Variants in DNAH11 observed in about 807,000 individuals in gnomAD.
DNAH11 encodes axonemal beta dynein heavy chain 11.
In DNAH11, 442 loss-of-function variants were observed where a neutral mutation model predicts 526.0. The observed-to-expected ratio is 0.84, with a 90% CI of 0.78 to 0.91. The LOEUF is 0.91. DNAH11 is among the 40% of genes least tolerant of loss of function. The pLI, the probability that DNAH11 is intolerant of heterozygous loss-of-function variation, is 0.00. For synonymous variants in DNAH11, 2,461 were observed against 1,935.9 expected (o/e 1.27, Z -7.12); for missense variants, 6,989 against 5,448.7 (o/e 1.28, Z -8.90).
chr7:21,765,698 A>G (rs1314945137), intron 55 of DNAH11, 109 bp downstream of exon 55: 4 of 1,313,180 alleles, frequency 3.0e-6, no homozygotes, highest in Non-Finnish European at 3.0e-6. Context: ...TCCACAGTAC[A>G]TCTCCTATCA....
intron 65 of DNAH11, among the ~76,000 whole-genome samples, chr7:21,832,401 A>G (rs1043074371): frequency 3.0e-4 from 46 of 152,186 alleles, no homozygotes; most frequent in Non-Finnish European, 5.9e-5. Context: ...TCTGTAAAGG[A>G]TTTTATTTCT....
chr7:21,820,768 G>A (rs955190755), intron 65 of DNAH11, among the ~76,000 whole-genome samples: 1 of 152,134 alleles, frequency 6.6e-6, no homozygotes, highest in African/African-American at 2.4e-5. Context: ...ACACTAGTTG[G>A]TAGTACCAAT....
chr7:21,553,049 T>C (rs1174142141), intron 2 of DNAH11, among the ~76,000 whole-genome samples: 1 of 151,650 alleles, frequency 6.6e-6, no homozygotes. Flanking sequence ...GGTGATATTT[T>C]CTCCCTTCAG....
chr7:21,763,357 GAAAAA>G (rs796469829), intron 54 of DNAH11, among the ~76,000 whole-genome samples: 1 of 43,738 alleles, frequency 2.3e-5, no homozygotes, highest in African/African-American at 7.7e-5. Context: ...AAAAAAAAAA[GAAAAA>G]AAAAAAGACT....
rs776718319 is a variant in DNAH11 at position 21,872,123 on chromosome 7, C to CAAAAAAA, written c.11968-1131_11968-1125dup. Among the ~76,000 whole-genome samples the CAAAAAAA allele has an allele frequency of 6.5e-4, 20 of 30,824 alleles. 1 individual carries two copies. Among genetic ancestry groups the CAAAAAAA allele is most frequent in the African/African-American group, 2.0e-3 (16 of 7,946 alleles). The allele number at this position is 30,824 out of a possible 152,430, so 20.2% of individuals were successfully genotyped here. On this transcript the variant is annotated intron_variant, in intron 73 of 81. Transcript: ENST00000409508. The stretch of plus-strand genomic sequence containing the variant: ...TGGGTGACAGAGCGAGACTCTGTCT[C>CAAAAAAA]AAAAAAAAAAAAAAAAAAAAAAAAA...
chr7:21,816,953 A>G (rs1050080124), intron 64 of DNAH11, among the ~76,000 whole-genome samples: 2 of 152,140 alleles, frequency 1.3e-5, no homozygotes, highest in African/African-American at 2.4e-5. Flanking sequence ...TCTGTGGGGG[A>G]AAATATGTAA....
intron 55 of DNAH11, among the ~76,000 whole-genome samples, chr7:21,768,243 G>C (rs760969167): frequency 3.7e-4 from 57 of 152,192 alleles, no homozygotes; most frequent in Admixed American, 4.6e-4. Context: ...GGGTAAACCT[G>C]GGAACAGTGT....
rs980958853 is a variant in DNAH11, at chr7:21,852,714, G to C, written c.11061+83G>C. The C allele has an allele frequency of 4.2e-6, 6 of 1,420,864 alleles. No individual in the cohort carries two copies. In the African/African-American group the frequency reaches 8.6e-5, roughly 20 times the overall value. The allele number at this position is 1,420,864 out of a possible 1,614,324, so 88.0% of individuals were successfully genotyped here. ...GGGGTGGGCAGTGTGATCAGACTTGGTAATTCCTCTAAGAGGACCAGCGTG... is the reference window on the plus strand; with the variant it reads ...GGGGTGGGCAGTGTGATCAGACTTGCTAATTCCTCTAAGAGGACCAGCGTG... On this transcript the variant is annotated intron_variant, in intron 67 of 81. Transcript: ENST00000409508.
intron 66 of DNAH11, among the ~76,000 whole-genome samples, chr7:21,848,396 T>C (rs754933650): frequency 6.6e-6 from 1 of 151,822 alleles, no homozygotes; most frequent in African/African-American, 2.4e-5. Context: ...TATAGACAGA[T>C]AGGTCTTGTT....
chr7:21,765,879 A>C (rs779854418), intron 55 of DNAH11, among the ~76,000 whole-genome samples: 9 of 152,176 alleles, frequency 5.9e-5, no homozygotes, highest in Non-Finnish European at 1.2e-4. Flanking sequence ...GCACTGACTC[A>C]CTGGAAGCCC....
chr7:21,872,205 A>G (rs73279872), intron 73 of DNAH11, among the ~76,000 whole-genome samples: 20,158 of 149,504 alleles, frequency 0.13, 2,627 homozygotes, highest in African/African-American at 0.33. Flanking sequence ...CTATTTCCAA[A>G]TACAGTCACA....
intron 9 of DNAH11, among the ~76,000 whole-genome samples, chr7:21,584,522 A>G (rs1056316102): frequency 1.3e-5 from 2 of 152,174 alleles, no homozygotes; most frequent in Admixed American, 1.3e-4. Context: ...GCACATGTAT[A>G]CCTATGTAAC....
At position 21,739,621 on chromosome 7, in the gene DNAH11, TC is replaced by T; in HGVS notation, c.7863del (p.Ala2622ProfsTer3). On this transcript the variant is annotated frameshift_variant, in exon 48 of 82. Transcript: ENST00000409508. LOFTEE classifies it high-confidence loss of function. Reference protein sequence around the residue: ...MLKEIHNCQYVACMNPMVGSF... With the variant: ...MLKEIHNCQYXACMNPMVGSF... Reference sequence around the variant, plus strand: ...AAAGAAATCCATAACTGCCAGTATGTCGCCTGCATGAATCCGATGGTGGGCA... The same window carrying T: ...AAAGAAATCCATAACTGCCAGTATGTGCCTGCATGAATCCGATGGTGGGCA... 6.2e-7 allele frequency: 1 copy of T among 1,613,056 alleles called. No individual in the cohort carries two copies. The highest frequency in any genetic ancestry group is 8.5e-7 in the Non-Finnish European group (1 of 1,179,524).
intron 20 of DNAH11, among the ~76,000 whole-genome samples, chr7:21,611,519 C>A (rs1297846664): frequency 6.6e-6 from 1 of 152,160 alleles, no homozygotes. Context: ...TTCTGGAGAA[C>A]CGTGACTAAT....
intron 76 of DNAH11, 87 bp from the exon 77 acceptor site, chr7:21,892,338 T>C (rs994615156): frequency 6.6e-7 from 1 of 1,522,432 alleles, no homozygotes; most frequent in African/African-American, 1.4e-5. Flanking sequence ...TGGAGCCTTC[T>C]TGTCAGGGTC....
At chr7:21,603,530 G>A (rs1032747936) in intron 18 of DNAH11, among the ~76,000 whole-genome samples, 1 of 152,134 alleles carries the variant, frequency 6.6e-6, no homozygotes, top group African/African-American at 2.4e-5. Context: ...ATTTTGCTTT[G>A]TGAGGATTAA....
At chr7:21,863,086 GA>G (rs1210198486) in intron 69 of DNAH11, among the ~76,000 whole-genome samples, 124 of 135,572 alleles carry the variant, frequency 9.1e-4, no homozygotes, top group African/African-American at 3.2e-3. Flanking sequence ...AAAAGAAAAA[GA>G]AAAGAAAAAG....
intron 55 of DNAH11, among the ~76,000 whole-genome samples, chr7:21,770,086 G>C (rs1011336084): frequency 6.6e-6 from 1 of 152,198 alleles, no homozygotes; most frequent in African/African-American, 2.4e-5. Context: ...GCTGCCCTGT[G>C]TAATGGCAGT....
intron 61 of DNAH11, among the ~76,000 whole-genome samples, chr7:21,796,736 T>G (rs774792066): frequency 1.3e-5 from 2 of 152,176 alleles, no homozygotes; most frequent in Admixed American, 6.5e-5. Flanking sequence ...TTTGTGAGCT[T>G]GAGTAACATT....
Sources: allele counts gnomAD v4.1 joint callset (sites outside exome capture counted in the v4.1 genomes callset), GRCh38; gene constraint gnomAD v4.1.1; transcripts MANE v1.5; gene names NCBI Gene and HGNC (gene_info 2026-07-23, HGNC 2026-07-21).